Variants in KIAA1217 observed in about 807,000 individuals in gnomAD.
The protein encoded by KIAA1217 is KIAA1217.
KIAA1217 carries 88 observed loss-of-function variants against 163.9 expected under a neutral mutation model. The ratio of observed to expected loss-of-function variants is 0.54; its 90% CI spans 0.45 to 0.64. The LOEUF is 0.64. KIAA1217 is among the 30% of genes least tolerant of loss of function. The probability of loss-of-function intolerance (pLI) is 0.00; values close to 1 mark genes in which losing one functional copy is unlikely to be tolerated. For synonymous variants in KIAA1217, 903 were observed against 923.1 expected, an observed-to-expected ratio of 0.98 and a Z score of 0.39; for missense variants, 2,372 against 2,475.0, an observed-to-expected ratio of 0.96 and a Z score of 0.88.
intron 2 of KIAA1217, among the ~76,000 whole-genome samples, chr10:24,246,281 G>A (rs2073800256): frequency 6.6e-6 from 1 of 152,136 alleles, no homozygotes; most frequent in Non-Finnish European, 1.5e-5. Context: ...CCCCATCATA[G>A]ATAAACTTGA....
intron 2 of KIAA1217, among the ~76,000 whole-genome samples, chr10:24,114,279 A>G (rs1041879325): frequency 3.9e-5 from 6 of 152,174 alleles, no homozygotes; most frequent in African/African-American, 1.4e-4. Context: ...AGCATGGCAC[A>G]TGTATACATA....
chr10:24,056,040 C>CA lies in KIAA1217; in HGVS notation c.-171+48675dup, dbSNP rs931641169. 3.1e-3 allele frequency among the ~76,000 whole-genome samples: 462 copies of CA among 149,340 alleles called. 3 individuals carry two copies. Among genetic ancestry groups the CA allele is most frequent in the African/African-American group, 0.01 (421 of 40,726 alleles). On this transcript the variant is annotated intron_variant, in intron 2 of 18. Coordinates refer to the KIAA1217 transcript ENST00000376462. ...TAAAGAAATTCCTCTGAGGCAAAAG[C>CA]AAAAAAAAAGCTCCAATGCAAAGGA...
At chr10:24,430,535 C>T (rs2059521835) in intron 3 of KIAA1217, among the ~76,000 whole-genome samples, 1 of 151,934 alleles carries the variant, frequency 6.6e-6, no homozygotes, top group Non-Finnish European at 1.5e-5. Flanking sequence ...ATTATTATTG[C>T]ATTGCAATAT....
chr10:24,495,237 G>C (rs372226522), intron 8 of KIAA1217, 41 bp downstream of exon 8: 1 of 1,541,644 alleles, frequency 6.5e-7, no homozygotes, highest in African/African-American at 1.4e-5. Context: ...CCTGTGGGCT[G>C]CCTGGGATGA....
At chr10:23,751,854 G>A (rs1839754988) in intron 1 of KIAA1217, among the ~76,000 whole-genome samples, 1 of 152,160 alleles carries the variant, frequency 6.6e-6, no homozygotes, top group Non-Finnish European at 1.5e-5. Context: ...AAGCTGTTCA[G>A]GCTGAGGATT....
At chr10:23,904,502 G>C (rs542127775) in intron 1 of KIAA1217, among the ~76,000 whole-genome samples, 1 of 152,260 alleles carries the variant, frequency 6.6e-6, no homozygotes, top group East Asian at 1.9e-4. Flanking sequence ...TGCAAGGCCA[G>C]CTGCAAATTT....
intron 1 of KIAA1217, among the ~76,000 whole-genome samples, chr10:23,972,529 A>G (rs143774499): frequency 1.1e-3 from 167 of 150,710 alleles, no homozygotes; most frequent in African/African-American, 4.0e-3. Flanking sequence ...ACCAAACACT[A>G]TGTATTCTCA....
intron 2 of KIAA1217, among the ~76,000 whole-genome samples, chr10:24,350,216 G>A (rs1467295863): frequency 1.3e-5 from 2 of 152,190 alleles, no homozygotes; most frequent in East Asian, 1.9e-4. Flanking sequence ...TTTATATGCT[G>A]CAGATGCTTC....
At chr10:24,310,126 A>G (rs1425502782) in intron 2 of KIAA1217, among the ~76,000 whole-genome samples, 1 of 152,202 alleles carries the variant, frequency 6.6e-6, no homozygotes, top group Admixed American at 6.5e-5. Context: ...GATATTAAGC[A>G]GGAGAAGTAT....
At chr10:24,004,193 G>T (rs373497560) in intron 1 of KIAA1217, among the ~76,000 whole-genome samples, 1 of 152,130 alleles carries the variant, frequency 6.6e-6, no homozygotes, top group African/African-American at 2.4e-5. Flanking sequence ...TGGTCAGGCT[G>T]GTCTCGAAAT....
chr10:24,338,513 T>C lies in KIAA1217; in HGVS notation c.355-42356T>C, dbSNP rs538298025. On this transcript the variant is annotated intron_variant, in intron 2 of 20. Transcript: ENST00000376454. ...CAAGTCAGAAAGCACCTCATGAAAT[T>C]ATTCATGCATTCAAGCTGGACTGAA... is the stretch of plus-strand genomic sequence containing the variant. Among the ~76,000 whole-genome samples, 5 of 152,316 alleles carry C rather than the reference T, an allele frequency of 3.3e-5. No homozygotes were observed. The East Asian group carries it at 9.7e-4, about 29-fold the overall frequency.
intron 1 of KIAA1217, among the ~76,000 whole-genome samples, chr10:23,747,563 A>G (rs1274240327): frequency 6.6e-6 from 1 of 152,190 alleles, no homozygotes; most frequent in Non-Finnish European, 1.5e-5. Flanking sequence ...CTGCACCAAG[A>G]TAGTTGAGAC....
At chr10:24,197,100 C>T (rs2067024884) in intron 2 of KIAA1217, among the ~76,000 whole-genome samples, 1 of 152,210 alleles carries the variant, frequency 6.6e-6, no homozygotes, top group Admixed American at 6.5e-5. Context: ...CACAGCTAGG[C>T]ACAGGCAGAA....
chr10:23,730,083 A>G (rs908036450), intron 1 of KIAA1217, among the ~76,000 whole-genome samples: 3 of 151,926 alleles, frequency 2.0e-5, no homozygotes, highest in Non-Finnish European at 4.4e-5. Flanking sequence ...TTGTATTTTT[A>G]GTAGAGACGG....
chr10:23,954,410 A>G (rs531572362), intron 1 of KIAA1217, among the ~76,000 whole-genome samples: 128 of 152,232 alleles, frequency 8.4e-4, no homozygotes, highest in Non-Finnish European at 1.7e-3. Flanking sequence ...ACAGAAAAAT[A>G]CAAAAATTAC....
intron 2 of KIAA1217, among the ~76,000 whole-genome samples, chr10:24,277,970 T>G (rs1467500660): frequency 6.6e-6 from 1 of 152,208 alleles, no homozygotes; most frequent in Non-Finnish European, 1.5e-5. Flanking sequence ...TTGTGATGCT[T>G]TTGGACAGCA....
chr10:24,123,138 G>GTGTA (rs1465335225), intron 2 of KIAA1217, among the ~76,000 whole-genome samples: 1 of 150,568 alleles, frequency 6.6e-6, no homozygotes, highest in Non-Finnish European at 1.5e-5. Context: ...GTGTGTTTGT[G>GTGTA]TGTGTGTGTG....
At chr10:24,467,754 G>T (rs1180843490) in intron 5 of KIAA1217, among the ~76,000 whole-genome samples, 1 of 151,828 alleles carries the variant, frequency 6.6e-6, no homozygotes, top group African/African-American at 2.4e-5. Context: ...GCAGAATAAG[G>T]GACTGGGATA....
chr10:23,977,046 C>T (rs575577039), intron 1 of KIAA1217, among the ~76,000 whole-genome samples: 7 of 152,180 alleles, frequency 4.6e-5, no homozygotes, highest in East Asian at 1.9e-4. Flanking sequence ...TTTCTGCTGA[C>T]GGAGATCTTT....
Sources: allele counts gnomAD v4.1 joint callset (sites outside exome capture counted in the v4.1 genomes callset), GRCh38; gene constraint gnomAD v4.1.1; transcripts MANE v1.5; gene names NCBI Gene and HGNC (gene_info 2026-07-23, HGNC 2026-07-21).